Variants in SPAG17 observed in about 807,000 individuals in gnomAD.
SPAG17 encodes sperm associated antigen 17, also known as sperm-associated antigen 17.
Under a neutral mutation model 273.6 loss-of-function variants are expected in SPAG17, and 169 were observed. That is an observed-to-expected ratio of 0.62 (90% CI 0.55 to 0.70). The LOEUF (loss-of-function observed/expected upper bound fraction) is 0.70. SPAG17 is among the 30% of genes least tolerant of loss of function. The probability of loss-of-function intolerance (pLI) is 0.00; values close to 1 mark genes in which losing one functional copy is unlikely to be tolerated. For synonymous variants in SPAG17, 825 were observed against 873.2 expected (o/e 0.94, Z 0.97); for missense variants, 2,557 against 2,627.8 (o/e 0.97, Z 0.59).
rs1387284300 is a variant in SPAG17, at chr1:118,025,405, T to A, written c.3742A>T (p.Ile1248Leu). 1 of 1,568,242 alleles carries A rather than the reference T, an allele frequency of 6.4e-7. No individual in the cohort carries two copies. Among genetic ancestry groups the A allele is most frequent in the Non-Finnish European group, 8.6e-7 (1 of 1,160,906 alleles). Residue 1248 changes from isoleucine to leucine, a missense_variant, in exon 27 of 49, where the codon ATA becomes TTA. Ile to Leu is a conservative substitution (Grantham distance 5). Coordinates refer to ENST00000336338, the MANE Select transcript of SPAG17 (RefSeq NM_206996.4). ...IGQESTGQYV[I>L]DEEPTWDIMV... is the part of the protein sequence containing the mutation. ...ATGTCCCAGGTGGGTTCCTCATCTA[T>A]AACATATTGACCTAAAAAAAGAATA...
At chr1:118,184,086 A>G (rs562794003) in intron 1 of SPAG17, among the ~76,000 whole-genome samples, 1 of 152,156 alleles carries the variant, frequency 6.6e-6, no homozygotes, top group Non-Finnish European at 1.5e-5. Context: ...ATAGGAAAAA[A>G]AAACAGTTAT....
chr1:118,036,064 T>TATA (rs2101902322), intron 24 of SPAG17, among the ~76,000 whole-genome samples: 1 of 152,230 alleles, frequency 6.6e-6, no homozygotes, highest in East Asian at 1.9e-4. Context: ...GGCATGCACC[T>TATA]ATAGTCCCAG....
At chr1:118,019,151 T>C (rs1161822612) in intron 28 of SPAG17, among the ~76,000 whole-genome samples, 2 of 151,608 alleles carry the variant, frequency 1.3e-5, no homozygotes, top group African/African-American at 4.8e-5. Context: ...ACAAGGCAAT[T>C]CAAGTGAGAG....
intron 48 of SPAG17, chr1:117,957,060 T>C: frequency 6.4e-7 from 1 of 1,553,670 alleles, no homozygotes; most frequent in Admixed American, 2.1e-5. Flanking sequence ...TTATTTTTTC[T>C]TTTTCAGTGA....
intron 48 of SPAG17, among the ~76,000 whole-genome samples, chr1:117,954,790 A>T (rs538328386): frequency 2.3e-4 from 35 of 152,270 alleles, no homozygotes; most frequent in Middle Eastern, 6.8e-3. Flanking sequence ...TTTGTATTTC[A>T]AAAGGACCAC....
At chr1:118,011,389 C>G (rs953440648) in intron 30 of SPAG17, among the ~76,000 whole-genome samples, 2 of 152,076 alleles carry the variant, frequency 1.3e-5, no homozygotes, top group Non-Finnish European at 2.9e-5. Flanking sequence ...TACTATGCAG[C>G]CATAAAAACA....
rs960257648 is a variant in SPAG17, at chr1:118,016,065, G to A, written c.4187C>T (p.Thr1396Ile). 1 of 1,613,882 alleles carries A rather than the reference G, an allele frequency of 6.2e-7. No individual in the cohort carries two copies. Among genetic ancestry groups the A allele is most frequent in the East Asian group, 2.2e-5 (1 of 44,890 alleles). The change falls in exon 29 of 49, where the codon ACC becomes ATC. Residue 1396 changes from threonine to isoleucine, a missense_variant. Coordinates refer to ENST00000336338, the MANE Select transcript of SPAG17 (RefSeq NM_206996.4). ...GCCGATCCGATTTCCTTCAGGTGTGGTTGTAAACCAGGTGCCTATGTGAAC... is the reference window on the plus strand; with the variant it reads ...GCCGATCCGATTTCCTTCAGGTGTGATTGTAAACCAGGTGCCTATGTGAAC... The part of the protein sequence containing the change: ...VEVHIGTWFT[T>I]TPEGNRIGTK...
chr1:118,142,258 G>T (rs1658721286), intron 3 of SPAG17, among the ~76,000 whole-genome samples: 1 of 152,172 alleles, frequency 6.6e-6, no homozygotes, highest in Non-Finnish European at 1.5e-5. Flanking sequence ...TTTATATGAG[G>T]TATCCAGAGT....
Position 118,164,764 on chromosome 1 carries a change from A to G in SPAG17, c.88-13395T>C, listed in dbSNP as rs112486277. ...CTCTTCCTAACATATTTCTAACACC[A>G]TATCTTCATTACTTTTCTAAACTCT... is the stretch of plus-strand genomic sequence containing the variant. On this transcript the variant is annotated intron_variant, in intron 1 of 48. Transcript: ENST00000336338. Among the ~76,000 whole-genome samples the G allele has an allele frequency of 4.1e-3, 622 of 152,326 alleles. 1 individual carries two copies. The highest frequency in any genetic ancestry group is 0.014 in the African/African-American group (592 of 41,560).
At chr1:117,954,868 C>CTGTT (rs1651936672) in intron 48 of SPAG17, among the ~76,000 whole-genome samples, 1 of 152,004 alleles carries the variant, frequency 6.6e-6, no homozygotes, top group African/African-American at 2.4e-5. Context: ...TTTCTAGTGC[C>CTGTT]TGTTTATGTT....
intron 43 of SPAG17, among the ~76,000 whole-genome samples, chr1:117,976,417 A>T (rs1655142392): frequency 6.6e-6 from 1 of 152,172 alleles, no homozygotes; most frequent in African/African-American, 2.4e-5. Flanking sequence ...TTATTTCCCC[A>T]TTGAGGATGG....
intron 18 of SPAG17, among the ~76,000 whole-genome samples, chr1:118,061,988 T>C (rs1322814265): frequency 6.6e-6 from 1 of 152,090 alleles, no homozygotes; most frequent in Admixed American, 6.5e-5. Flanking sequence ...AGGAAAATAC[T>C]GTCAGACTAA....
At chr1:118,168,154 G>T (rs779441689) in intron 1 of SPAG17, among the ~76,000 whole-genome samples, 2 of 152,144 alleles carry the variant, frequency 1.3e-5, no homozygotes, top group African/African-American at 2.4e-5. Flanking sequence ...GGCTTATATT[G>T]ATGAATTGAG....
intron 47 of SPAG17, 31 bp from the exon 48 acceptor site, chr1:117,963,969 A>G: frequency 6.3e-7 from 1 of 1,592,276 alleles, no homozygotes; most frequent in Non-Finnish European, 8.6e-7. Context: ...TGTGCTTTTC[A>G]TGACTAAATT....
At position 118,132,761 on chromosome 1, in the gene SPAG17, G is replaced by A. The variant is rs189096630; in HGVS notation, c.316-17320C>T. On this transcript the variant is annotated intron_variant, in intron 3 of 48. Transcript: ENST00000336338. ...TGCAAAGCAGGGGAATAGGCAAAGC[G>A]TGAACATTTTCTTTTCTTTTCTTTT... Among the ~76,000 whole-genome samples the A allele has an allele frequency of 2.0e-3, 308 of 150,650 alleles. 6 individuals carry two copies. The highest frequency in any genetic ancestry group is 7.2e-3 in the African/African-American group (294 of 40,970).
intron 43 of SPAG17, among the ~76,000 whole-genome samples, chr1:117,979,413 C>T (rs575079919): frequency 3.9e-5 from 6 of 152,288 alleles, no homozygotes; most frequent in East Asian, 3.9e-4. Flanking sequence ...TGGCTCCACC[C>T]TCATGATATA....
At chr1:117,957,957 A>G (rs1652460463) in intron 48 of SPAG17, among the ~76,000 whole-genome samples, 1 of 152,266 alleles carries the variant, frequency 6.6e-6, no homozygotes, top group Admixed American at 6.5e-5. Context: ...TATGTTCATT[A>G]GGCTATATTC....
intron 13 of SPAG17, 108 bp from the exon 14 acceptor site, chr1:118,081,750 C>T (rs994419326): frequency 2.3e-6 from 2 of 883,586 alleles, no homozygotes; most frequent in East Asian, 2.5e-5. Flanking sequence ...ACAAGAGAGT[C>T]ACGCCACAAT....
intron 3 of SPAG17, among the ~76,000 whole-genome samples, chr1:118,147,613 A>G (rs1190972385): frequency 6.6e-6 from 1 of 152,232 alleles, no homozygotes; most frequent in Non-Finnish European, 1.5e-5. Flanking sequence ...AAATCTAAGC[A>G]GCTTTTCAAA....
Sources: gnomAD v4.1 joint callset for allele counts (sites outside exome capture counted in the v4.1 genomes callset) on GRCh38, gnomAD v4.1.1 for gene constraint, MANE v1.5 for transcripts, NCBI Gene and HGNC (gene_info 2026-07-23, HGNC 2026-07-21) for gene names.